The following VANGL1 variants were observed in gnomAD, a reference collection of about 807,000 sequenced individuals.
VANGL1 encodes the protein vang-like protein 1.
VANGL1 carries 18 observed loss-of-function variants against 48.4 expected under a neutral mutation model. That is an observed-to-expected ratio of 0.37 (90% CI 0.26 to 0.55). The LOEUF is 0.55. Ranked by LOEUF, VANGL1 falls within the 20% of genes least tolerant of loss-of-function variation. The pLI is 0.81. For synonymous variants in VANGL1, 257 were observed against 261.8 expected (o/e 0.98, Z 0.18); for missense variants, 667 against 675.8 (o/e 0.99, Z 0.14).
At chr1:115,682,963 G>C (rs1469239178) in intron 5 of VANGL1, among the ~76,000 whole-genome samples, 1 of 152,182 alleles carries the variant, frequency 6.6e-6, no homozygotes, top group Admixed American at 6.5e-5. Context: ...GCCAGGCTGG[G>C]TAAGTCCAAG....
intron 7 of VANGL1, among the ~76,000 whole-genome samples, chr1:115,690,803 T>C (rs1443468704): frequency 1.3e-5 from 2 of 151,934 alleles, no homozygotes; most frequent in East Asian, 3.9e-4. Context: ...AAGAATGGAG[T>C]GATGCAGCCA....
chr1:115,651,922 A>C (rs1312378737), intron 2 of VANGL1, among the ~76,000 whole-genome samples: 1 of 151,872 alleles, frequency 6.6e-6, no homozygotes, highest in East Asian at 1.9e-4. Context: ...ACGCCTGGCT[A>C]ATTTTTGTAT....
At chr1:115,668,474 G>A (rs1224860240) in intron 4 of VANGL1, among the ~76,000 whole-genome samples, 1 of 152,160 alleles carries the variant, frequency 6.6e-6, no homozygotes, top group Non-Finnish European at 1.5e-5. Context: ...CATAGCAGTA[G>A]GTTTGAGCCT....
chr1:115,646,371 G>T (rs946420494), intron 1 of VANGL1, among the ~76,000 whole-genome samples: 7 of 152,088 alleles, frequency 4.6e-5, no homozygotes, highest in Non-Finnish European at 1.0e-4. Flanking sequence ...AGGGGTGGGT[G>T]ACCGGTGAGG....
Sources: gnomAD v4.1 joint callset for allele counts (sites outside exome capture counted in the v4.1 genomes callset) on GRCh38, gnomAD v4.1.1 for gene constraint, MANE v1.5 for transcripts, NCBI Gene and HGNC (gene_info 2026-07-23, HGNC 2026-07-21) for gene names.